B3GAT3: variants seen among roughly 807,000 people sequenced by gnomAD.
B3GAT3 encodes beta-1,3-glucuronyltransferase 3.
A neutral mutation model predicts 33.1 loss-of-function variants in B3GAT3; 19 were observed. The observed-to-expected ratio is 0.57, with a 90% CI of 0.40 to 0.84. The LOEUF (loss-of-function observed/expected upper bound fraction) is 0.84, where lower values mean the gene tolerates loss of function less well. B3GAT3 is among the 40% of genes least tolerant of loss of function. The pLI is 0.00. For missense variants in B3GAT3, 344 were observed against 441.5 expected (o/e 0.78, Z 1.98); for synonymous variants, 167 against 193.5 (o/e 0.86, Z 1.14).
In B3GAT3 at chr11:62,621,848, C is replaced by T. The variant is rs1357707581; in HGVS notation, c.82+18G>A. 14 of 1,605,612 alleles carry T rather than the reference C, an allele frequency of 8.7e-6. No individual in the cohort carries two copies. The highest frequency in any genetic ancestry group is 1.3e-5 in the African/African-American group (1 of 74,524). On this transcript the variant is annotated intron_variant, in intron 1 of 4. Transcript: ENST00000265471. Reference sequence around the variant, plus strand: ...GCCCTCGGGCCAGCCCGCCGCACCCCCGCCCCGCCCCGCTCACCGAGCTGT... The same window carrying T: ...GCCCTCGGGCCAGCCCGCCGCACCCTCGCCCCGCCCCGCTCACCGAGCTGT...
chr11:62,619,256 T>A (rs1461738060), intron 2 of B3GAT3, among the ~76,000 whole-genome samples: 1 of 151,976 alleles, frequency 6.6e-6, no homozygotes, highest in African/African-American at 2.4e-5. Flanking sequence ...CAGATCTACC[T>A]GCCTGTCCCA....
chr11:62,616,200 C>G (rs1332971370), intron 4 of B3GAT3: 1 of 536,040 alleles, frequency 1.9e-6, no homozygotes, highest in African/African-American at 1.9e-5. Flanking sequence ...GCCAAGATTG[C>G]GCTACTGCAC....
rs1943103628 is a variant in B3GAT3, at chr11:62,619,605, C to A, written c.257+892G>T. Among the ~76,000 whole-genome samples the A allele has an allele frequency of 3.3e-5, 5 of 150,076 alleles. No individual in the cohort carries two copies. In the South Asian group the frequency reaches 1.1e-3, roughly 32 times the overall value. On this transcript the variant is annotated intron_variant, in intron 2 of 4. Transcript: ENST00000265471. ...TCGCCCAGGCTGCATGATCTCCACT[C>A]ACTGCAACCTCCGCCGCCCAGGATC...
chr11:62,618,766 G>C (rs907468088), intron 2 of B3GAT3, among the ~76,000 whole-genome samples: 1 of 151,584 alleles, frequency 6.6e-6, no homozygotes, highest in African/African-American at 2.4e-5. Flanking sequence ...GGTGGAACAC[G>C]AAGTCAGGAG....
intron 2 of B3GAT3, among the ~76,000 whole-genome samples, chr11:62,619,685 T>A (rs1226348624): frequency 1.6e-5 from 2 of 126,638 alleles, no homozygotes; most frequent in African/African-American, 5.9e-5. Flanking sequence ...GCATGCACCA[T>A]CACGCCTAGC....
In B3GAT3 at chr11:62,616,744, A is replaced by T. The variant is rs1419830872; in HGVS notation, c.671T>A (p.Leu224Gln). The change falls in exon 4 of 5, where the codon CTG becomes CAG. Residue 224 changes from leucine to glutamine, a missense_variant. Leu to Gln is a moderately radical substitution (Grantham distance 113). Coordinates refer to ENST00000265471, the MANE Select transcript of B3GAT3 (RefSeq NM_012200.4). Reference protein sequence around the residue: ...SVWPVGLVGGLRFEGPQVQDG... With the variant: ...SVWPVGLVGGQRFEGPQVQDG... ...CTGTACCTGAGGGCCCTCGAATCGC[A>T]GGCCGCCCACCAGCCCCACAGGCCA... 4 of 1,613,964 alleles carry T rather than the reference A, an allele frequency of 2.5e-6. No individual in the cohort carries two copies. The highest frequency in any genetic ancestry group is 2.5e-6 in the Non-Finnish European group (3 of 1,179,942).
intron 1 of B3GAT3, chr11:62,621,360 G>T (rs1943140764): frequency 2.2e-6 from 1 of 456,376 alleles, no homozygotes; most frequent in Non-Finnish European, 4.4e-6. Context: ...AAATAATCAG[G>T]ATAGAGAATA....
chr11:62,620,587 G>C lies in B3GAT3; in HGVS notation c.167C>G (p.Ala56Gly). Residue 56 changes from alanine (A) to glycine (G), a missense_variant, in exon 2 of 5, where the codon GCG becomes GGG. By Grantham distance (60) the Ala-to-Gly change is moderately conservative (BLOSUM62 0). Transcript: ENST00000265471. ...QKDLRISQLQ[A>G]ELRRPPPAPA... ...GGCAGGGGGTGGCCGTCGGAGTTCC[G>C]CTTGCAGCTGGGAAATCCTCAGATC... The C allele has an allele frequency of 6.2e-7, 1 of 1,612,350 alleles. No individual in the cohort carries two copies. The highest frequency in any genetic ancestry group is 1.1e-5 in the South Asian group (1 of 90,784).
At chr11:62,618,756 G>A (rs559557597) in intron 2 of B3GAT3, among the ~76,000 whole-genome samples, 55 of 152,034 alleles carry the variant, frequency 3.6e-4, no homozygotes, top group African/African-American at 1.2e-3. Context: ...GGCCGAAGCA[G>A]GTGGAACACG....
chr11:62,621,722 G>A (rs1021399393), intron 1 of B3GAT3, 144 bp downstream of exon 1: 14 of 866,914 alleles, frequency 1.6e-5, no homozygotes, highest in Non-Finnish European at 2.4e-5. Flanking sequence ...GCGTTCTATA[G>A]AGGGCAGTGC....
At chr11:62,616,139 G>T (rs1271292391) in intron 4 of B3GAT3, 2 of 552,080 alleles carry the variant, frequency 3.6e-6, no homozygotes, top group Non-Finnish European at 6.0e-6. Flanking sequence ...AGCTACTTGG[G>T]AGGCTGAGGC....
At chr11:62,621,569 G>C (rs532941350) in intron 1 of B3GAT3, among the ~76,000 whole-genome samples, 2 of 152,192 alleles carry the variant, frequency 1.3e-5, no homozygotes, top group Admixed American at 1.3e-4. Context: ...GAAACTGTCA[G>C]CAAGCCAGTC....
chr11:62,616,515 G>C lies in B3GAT3; in HGVS notation c.900C>G (p.Asn300Lys). The change falls in exon 4 of 5, where the codon AAC (asparagine) becomes AAG (lysine). Residue 300 changes from asparagine (N) to lysine (K), a missense_variant. Physicochemically the swap from Asn to Lys is moderately conservative, Grantham distance 94 (BLOSUM62 0). Coordinates refer to ENST00000265471, the MANE Select transcript of B3GAT3 (RefSeq NM_012200.4). The stretch of plus-strand genomic sequence containing the variant: ...ATCTCCATTCCCTTACCCGAGTGCA[G>C]TTGGCAGCCCGTGGCTCCAGGTCCT... ...DPKDLEPRAANCTRVLVWHTR... is the reference protein window; with the variant it reads ...DPKDLEPRAAKCTRVLVWHTR... 1 of 1,614,198 alleles carries C rather than the reference G, an allele frequency of 6.2e-7. No individual in the cohort carries two copies. Among genetic ancestry groups the C allele is most frequent in the Non-Finnish European group, 8.5e-7 (1 of 1,180,042 alleles).
rs1030758541 is a variant in B3GAT3 at position 62,615,410 on chromosome 11, C to T, written c.*291G>A. On this transcript the variant is annotated 3_prime_UTR_variant, in exon 5 of 5. Transcript: ENST00000265471. Reference sequence around the variant, plus strand: ...TGCATGCCCAGCCCCAATAAGTTACCCAGTTACTCAGCTGCCCTCCCTCCT... The same window carrying T: ...TGCATGCCCAGCCCCAATAAGTTACTCAGTTACTCAGCTGCCCTCCCTCCT... The T allele has an allele frequency of 1.8e-6, 1 of 546,850 alleles. No homozygotes were observed. Among genetic ancestry groups the T allele is most frequent in the Non-Finnish European group, 3.3e-6 (1 of 304,992 alleles). The allele number at this position is 546,850 out of a possible 1,614,324, so 33.9% of individuals were successfully genotyped here.
chr11:62,616,755 C>T lies in B3GAT3; in HGVS notation c.660G>A (p.Leu220=). ...TRGVSVWPVG[L]VGGLRFEGPQ... ...GGCCCTCGAATCGCAGGCCGCCCAC[C>T]AGCCCCACAGGCCACACTGAGACAC... Residue 220 remains leucine (L), a synonymous_variant, in exon 4 of 5, where the codon CTG becomes CTA. Coordinates refer to ENST00000265471, the MANE Select transcript of B3GAT3 (RefSeq NM_012200.4). 6.2e-7 allele frequency: 1 copy of T among 1,614,048 alleles called. No individual in the cohort carries two copies. Among genetic ancestry groups the T allele is most frequent in the South Asian group, 1.1e-5 (1 of 91,082 alleles).
rs373463855 is a variant in B3GAT3, at chr11:62,617,037, C to T, written c.568G>A (p.Val190Ile). 40 of 1,614,080 alleles carry T rather than the reference C, an allele frequency of 2.5e-5. No individual in the cohort carries two copies. The highest frequency in any genetic ancestry group is 3.1e-5 in the Non-Finnish European group (36 of 1,180,044). ...DPPPPGTQGV[V>I]YFADDDNTYS... Reference sequence around the variant, plus strand: ...GTGTTGTCATCGTCAGCAAAGTAGACGACTCCTTGGGTCCCTGGTGGTGGT... The same window carrying T: ...GTGTTGTCATCGTCAGCAAAGTAGATGACTCCTTGGGTCCCTGGTGGTGGT... The change falls in exon 3 of 5, where the codon GTC becomes ATC. Residue 190 changes from valine (V) to isoleucine (I), a missense_variant. Physicochemically the swap from Val to Ile is conservative, Grantham distance 29 (BLOSUM62 3). Coordinates refer to ENST00000265471, the MANE Select transcript of B3GAT3 (RefSeq NM_012200.4).
Position 62,620,564 on chromosome 11 carries a change from C to A in B3GAT3, c.190G>T (p.Ala64Ser), listed in dbSNP as rs776734996. 3.1e-6 allele frequency: 5 copies of A among 1,612,680 alleles called. No homozygotes were observed. The South Asian group carries it at 3.3e-5, about 11-fold the overall frequency. The change falls in exon 2 of 5, where the codon GCC becomes TCC. Residue 64 changes from alanine (A) to serine (S), a missense_variant. By Grantham distance (99) the Ala-to-Ser change is moderately conservative. Coordinates refer to ENST00000265471, the MANE Select transcript of B3GAT3 (RefSeq NM_012200.4). The part of the protein sequence containing the change: ...LQAELRRPPP[A>S]PAQPPEPEAL... Reference sequence around the variant, plus strand: ...TCGGGTTCAGGGGGCTGGGCAGGGGCAGGGGGTGGCCGTCGGAGTTCCGCT... The same window carrying A: ...TCGGGTTCAGGGGGCTGGGCAGGGGAAGGGGGTGGCCGTCGGAGTTCCGCT...
intron 1 of B3GAT3, 24 bp downstream of exon 1, chr11:62,621,842 G>A: frequency 3.3e-6 from 5 of 1,506,212 alleles, no homozygotes; most frequent in Non-Finnish European, 4.5e-6. Flanking sequence ...CCAGCCCGCC[G>A]CACCCCCGCC....
chr11:62,620,752 C>T (rs1471067446), intron 1 of B3GAT3, 81 bp from the exon 2 acceptor site: 5 of 1,375,814 alleles, frequency 3.6e-6, no homozygotes, highest in Non-Finnish European at 5.0e-6. Flanking sequence ...GGGCCGTAAT[C>T]GTCTCATTAA....
Sources: allele counts gnomAD v4.1 joint callset (sites outside exome capture counted in the v4.1 genomes callset), GRCh38; gene constraint gnomAD v4.1.1; transcripts MANE v1.5; gene names NCBI Gene and HGNC (gene_info 2026-07-23, HGNC 2026-07-21).